Variants in KIR3DL3 observed in about 807,000 individuals in gnomAD.
KIR3DL3 encodes the protein killer cell immunoglobulin-like receptor 3DL3.
KIR3DL3 carries 27 observed loss-of-function variants against 34.9 expected under a neutral mutation model. That is an observed-to-expected ratio of 0.77 (90% CI 0.57 to 1.07). KIR3DL3 has a LOEUF of 1.07. Ranked by LOEUF, KIR3DL3 falls within the 50% of genes least tolerant of loss-of-function variation. The probability of loss-of-function intolerance (pLI) is 0.00; values close to 1 mark genes in which losing one functional copy is unlikely to be tolerated. For synonymous variants in KIR3DL3, 217 were observed against 200.2 expected (o/e 1.08, Z -0.71); for missense variants, 681 against 528.5 (o/e 1.29, Z -2.83).
chr19:54,731,469 C>G (rs1421710648), intron 5 of KIR3DL3, among the ~76,000 whole-genome samples: 25 of 151,682 alleles, frequency 1.6e-4, no homozygotes, highest in African/African-American at 5.3e-4. Flanking sequence ...GACACTTCCA[C>G]TCACTCACTC....
intron 4 of KIR3DL3, among the ~76,000 whole-genome samples, chr19:54,729,035 GCATA>G (rs2068507627): frequency 6.7e-6 from 1 of 148,314 alleles, no homozygotes; most frequent in Non-Finnish European, 1.5e-5. Context: ...ATGGATAGAT[GCATA>G]CATACATACA....
chr19:54,726,703 C>T (rs1324616065), intron 3 of KIR3DL3, among the ~76,000 whole-genome samples: 11 of 145,044 alleles, frequency 7.6e-5, no homozygotes, highest in East Asian at 4.0e-4. Flanking sequence ...GTTAGAGCAA[C>T]GTCGTGGGAG....
intron 3 of KIR3DL3, 31 bp downstream of exon 3, chr19:54,726,368 G>A: frequency 6.2e-7 from 1 of 1,601,692 alleles, no homozygotes; most frequent in Non-Finnish European, 8.5e-7. Context: ...GCTTCTCACT[G>A]TCCCACCTCC....
At position 54,735,840 on chromosome 19, in the gene KIR3DL3, G is replaced by C. The variant is rs1450826464; in HGVS notation, c.1075G>C (p.Glu359Gln). The C allele has an allele frequency of 1.2e-6, 2 of 1,607,820 alleles. No individual in the cohort carries two copies. Among genetic ancestry groups the C allele is most frequent in the Non-Finnish European group, 1.7e-6 (2 of 1,178,380 alleles). ...NKKNAVVMDQ[E>Q]PAGNRTVNRE... ...TACAGATGCTGTTGTAATGGACCAA[G>C]AGCCTGCAGGGAACAGAACAGTGAA... The change falls in exon 7 of 8, where the codon GAG becomes CAG. Residue 359 changes from glutamate (E) to glutamine (Q), a missense_variant. Physicochemically the swap from Glu to Gln is conservative, Grantham distance 29 (BLOSUM62 2). Coordinates refer to ENST00000291860, the MANE Select transcript of KIR3DL3 (RefSeq NM_153443.5).
chr19:54,727,179 A>G (rs1415560160), intron 3 of KIR3DL3, among the ~76,000 whole-genome samples: 2 of 118,228 alleles, frequency 1.7e-5, no homozygotes, highest in East Asian at 2.5e-4. Context: ...GAGGCTCCCA[A>G]TCCCCATCAG....
intron 3 of KIR3DL3, 88 bp from the exon 4 acceptor site, chr19:54,727,523 C>G: frequency 8.1e-7 from 1 of 1,235,444 alleles, no homozygotes; most frequent in Non-Finnish European, 1.1e-6. Context: ...GAGATAGACA[C>G]CATGGAGGGG....
intron 5 of KIR3DL3, among the ~76,000 whole-genome samples, chr19:54,734,191 T>C (rs1298035387): frequency 6.6e-6 from 1 of 151,732 alleles, no homozygotes; most frequent in Non-Finnish European, 1.5e-5. Flanking sequence ...GTTGTGGTGG[T>C]AGAAACTGTA....
chr19:54,724,587 AGTGG>A, intron 1 of KIR3DL3, 57 bp downstream of exon 1: 1 of 829,486 alleles, frequency 1.2e-6, no homozygotes. Context: ...CTGGGCCTGG[AGTGG>A]AGATCTGGGC....
intron 2 of KIR3DL3, among the ~76,000 whole-genome samples, chr19:54,725,628 T>G (rs1175808648): frequency 2.6e-5 from 4 of 152,100 alleles, no homozygotes; most frequent in South Asian, 2.1e-4. Flanking sequence ...ACTCACACCC[T>G]CCAGCGTTTC....
chr19:54,735,356 G>C lies in KIR3DL3; in HGVS notation c.1053G>C (p.Lys351Asn). ...FLLHRWCANK[K>N]NAVVMDQEPA... ...TTCATCGCTGGTGTGCCAACAAAAA[G>C]AGTAAGTCTCACGAAGCAGAAGCCA... The change falls in exon 6 of 8, where the codon AAG becomes AAC. Residue 351 changes from lysine (K) to asparagine (N), a missense_variant and splice_region_variant. Transcript: ENST00000291860. 1 of 1,300,962 alleles carries C rather than the reference G, an allele frequency of 7.7e-7. No individual in the cohort carries two copies. The highest frequency in any genetic ancestry group is 1.7e-5 in the Admixed American group (1 of 58,350). The allele number at this position is 1,300,962 out of a possible 1,614,324, so 80.6% of individuals were successfully genotyped here.
chr19:54,724,563 G>T, intron 1 of KIR3DL3, 33 bp downstream of exon 1: 1 of 1,591,248 alleles, frequency 6.3e-7, no homozygotes, highest in Non-Finnish European at 8.5e-7. Flanking sequence ...GGGAGGGAGC[G>T]CTGGGGTGGA....
intron 5 of KIR3DL3, among the ~76,000 whole-genome samples, chr19:54,733,316 A>G (rs917550268): frequency 6.2e-4 from 95 of 152,104 alleles, no homozygotes; most frequent in African/African-American, 2.2e-3. Context: ...TAGATCACTT[A>G]AGGGTAGGAG....
chr19:54,734,433 T>C (rs1368165136), intron 5 of KIR3DL3, among the ~76,000 whole-genome samples: 1 of 151,544 alleles, frequency 6.6e-6, no homozygotes, highest in Non-Finnish European at 1.5e-5. Context: ...TCAGAAAAGC[T>C]GCTCGAGACA....
chr19:54,736,008 C>G lies in KIR3DL3; in HGVS notation c.1145C>G (p.Ala382Gly), dbSNP rs758552516. ...CAAGACCCTCAGGAGGTGACATACG[C>G]ACAGTTGAATCACTGCGTTTTCACA... The part of the protein sequence containing the change: ...DEQDPQEVTY[A>G]QLNHCVFTQR... The change falls in exon 8 of 8, where the codon GCA (alanine) becomes GGA (glycine). Residue 382 changes from alanine to glycine, a missense_variant. Transcript: ENST00000291860. 1.9e-5 allele frequency: 30 copies of G among 1,613,650 alleles called. No homozygotes were observed. Among genetic ancestry groups the G allele is most frequent in the Non-Finnish European group, 2.2e-5 (26 of 1,179,976 alleles).
chr19:54,726,047 C>A lies in KIR3DL3; in HGVS notation c.71-6C>A. The A allele has an allele frequency of 6.2e-7, 1 of 1,602,308 alleles. No individual in the cohort carries two copies. The highest frequency in any genetic ancestry group is 8.5e-7 in the Non-Finnish European group (1 of 1,171,020). Reference sequence around the variant, plus strand: ...CTCTCTAAGGTGGTGCCTCCTTCTCCCCCAGGTGGTCAGGACAAGCCCTTC... The same window carrying A: ...CTCTCTAAGGTGGTGCCTCCTTCTCACCCAGGTGGTCAGGACAAGCCCTTC... On this transcript the variant is annotated splice_region_variant and splice_polypyrimidine_tract_variant and intron_variant, in intron 2 of 7. Coordinates refer to ENST00000291860, the MANE Select transcript of KIR3DL3 (RefSeq NM_153443.5).
In KIR3DL3 at chr19:54,735,995, G is replaced by A; in HGVS notation, c.1132G>A (p.Glu378Lys). The A allele has an allele frequency of 1.2e-6, 2 of 1,613,396 alleles. No individual in the cohort carries two copies. Among genetic ancestry groups the A allele is most frequent in the South Asian group, 1.1e-5 (1 of 91,028 alleles). Reference protein sequence around the residue: ...REDSDEQDPQEVTYAQLNHCV... With the variant: ...REDSDEQDPQKVTYAQLNHCV... The stretch of plus-strand genomic sequence containing the variant: ...GGACTCTGATGAACAAGACCCTCAG[G>A]AGGTGACATACGCACAGTTGAATCA... The change falls in exon 8 of 8, where the codon GAG becomes AAG. Residue 378 changes from glutamate to lysine, a missense_variant. Transcript: ENST00000291860.
chr19:54,735,232 T>G, intron 5 of KIR3DL3, 21 bp from the exon 6 acceptor site: 1 of 1,449,104 alleles, frequency 6.9e-7, no homozygotes, highest in Non-Finnish European at 9.6e-7. Context: ...AGCTTCTTAT[T>G]GGTGTCTTGT....
chr19:54,725,948 TG>T, intron 2 of KIR3DL3, 104 bp from the exon 3 acceptor site: 1 of 1,104,902 alleles, frequency 9.1e-7, no homozygotes, highest in Non-Finnish European at 1.3e-6. Flanking sequence ...CACCCAGGTG[TG>T]GTAGGAGCCT....
In KIR3DL3 at chr19:54,726,072, CCT is replaced by C; in HGVS notation, c.95_96del (p.Ser32CysfsTer9). The C allele has an allele frequency of 2.5e-6, 4 of 1,612,272 alleles. No homozygotes were observed. The highest frequency in any genetic ancestry group is 2.5e-6 in the Non-Finnish European group (3 of 1,178,940). ...CCCCAGGTGGTCAGGACAAGCCCTT[CCT>C]CTCTGCCTGGCCCGGCACTGTGGTG... is the stretch of plus-strand genomic sequence containing the variant. The part of the protein sequence containing the change: ...PHVGGQDKPF[L>X]SAWPGTVVSE... On this transcript the variant is annotated frameshift_variant, in exon 3 of 8. Coordinates refer to ENST00000291860, the MANE Select transcript of KIR3DL3 (RefSeq NM_153443.5). LOFTEE classifies it high-confidence loss of function.
Sources: allele counts gnomAD v4.1 joint callset (sites outside exome capture counted in the v4.1 genomes callset), GRCh38; gene constraint gnomAD v4.1.1; transcripts MANE v1.5; gene names NCBI Gene and HGNC (gene_info 2026-07-23, HGNC 2026-07-21).